Variants in PATJ observed in about 807,000 individuals in gnomAD.
PATJ encodes inaD-like protein.
PATJ carries 190 observed loss-of-function variants against 224.9 expected under a neutral mutation model. The ratio of observed to expected loss-of-function variants is 0.84; its 90% CI spans 0.75 to 0.95. The LOEUF is 0.95. Ranked by LOEUF, PATJ falls within the 40% of genes least tolerant of loss-of-function variation. PATJ has a pLI of 0.00. For missense variants in PATJ, 2,121 were observed against 2,270.3 expected (o/e 0.93, Z 1.34); for synonymous variants, 769 against 820.3 (o/e 0.94, Z 1.07).
intron 43 of PATJ, among the ~76,000 whole-genome samples, chr1:62,155,458 A>G (rs551660047): frequency 9.2e-5 from 14 of 152,252 alleles, no homozygotes; most frequent in Admixed American, 2.6e-4. Context: ...ATGGCTGTGC[A>G]TTGCTGGTGA....
intron 31 of PATJ, among the ~76,000 whole-genome samples, chr1:62,052,096 A>C (rs1176638638): frequency 6.6e-6 from 1 of 152,198 alleles, no homozygotes; most frequent in Non-Finnish European, 1.5e-5. Context: ...TTCTAGAAGA[A>C]ATGTAGGCTT....
At chr1:61,781,859 G>T (rs149314924) in intron 7 of PATJ, among the ~76,000 whole-genome samples, 1 of 152,214 alleles carries the variant, frequency 6.6e-6, no homozygotes, top group Non-Finnish European at 1.5e-5. Flanking sequence ...GAGACTGGAG[G>T]AAACCAGGCA....
chr1:61,939,929 C>G (rs549167961), intron 27 of PATJ, among the ~76,000 whole-genome samples: 18 of 152,078 alleles, frequency 1.2e-4, no homozygotes, highest in African/African-American at 4.1e-4. Context: ...CCGCCTCGGC[C>G]TTCCAAAGTG....
Position 62,088,884 on chromosome 1 carries a change from A to G in PATJ, c.4377+4236A>G, listed in dbSNP as rs533272598. On this transcript the variant is annotated intron_variant, in intron 33 of 43. Transcript: ENST00000642238. ...ATATATAGAACATATATATATATAT[A>G]TATTCAGAAACTACTGGTTGACCCT... is the stretch of plus-strand genomic sequence containing the variant. 1.6e-4 allele frequency among the ~76,000 whole-genome samples: 24 copies of G among 148,430 alleles called. No homozygotes were observed. The South Asian group carries it at 5.1e-3, about 31-fold the overall frequency.
At chr1:61,771,176 GT>G (rs1055113687) in intron 5 of PATJ, among the ~76,000 whole-genome samples, 4 of 152,080 alleles carry the variant, frequency 2.6e-5, no homozygotes, top group African/African-American at 9.7e-5. Context: ...CCTATAGATT[GT>G]TTTTGTTTAT....
At chr1:61,958,801 G>GTAAAAAAGA (rs1414095481) in intron 27 of PATJ, among the ~76,000 whole-genome samples, 4 of 152,128 alleles carry the variant, frequency 2.6e-5, no homozygotes, top group Non-Finnish European at 4.4e-5. Context: ...GACTTTCTCT[G>GTAAAAAAGA]GAGCCTCACT....
At chr1:61,947,019 C>G (rs920647909) in intron 27 of PATJ, among the ~76,000 whole-genome samples, 1 of 152,124 alleles carries the variant, frequency 6.6e-6, no homozygotes, top group Non-Finnish European at 1.5e-5. Flanking sequence ...ATTCAACAGC[C>G]CTTCATGCTA....
At chr1:62,119,553 A>G (rs1664820673) in intron 37 of PATJ, among the ~76,000 whole-genome samples, 1 of 152,206 alleles carries the variant, frequency 6.6e-6, no homozygotes, top group South Asian at 2.1e-4. Context: ...CCCCCAAACC[A>G]GGAAGAAATT....
chr1:62,053,548 C>T (rs1247530747), intron 31 of PATJ, among the ~76,000 whole-genome samples: 4 of 152,052 alleles, frequency 2.6e-5, no homozygotes, highest in Non-Finnish European at 5.9e-5. Flanking sequence ...GGAGAAACCC[C>T]GTCTCTACTA....
chr1:62,006,276 C>T (rs1040774328), intron 28 of PATJ, among the ~76,000 whole-genome samples: 1 of 152,060 alleles, frequency 6.6e-6, no homozygotes, highest in African/African-American at 2.4e-5. Context: ...CGCCACACCC[C>T]ACTAATTTTT....
At chr1:61,824,796 T>C (rs1029817379) in intron 15 of PATJ, among the ~76,000 whole-genome samples, 5 of 152,146 alleles carry the variant, frequency 3.3e-5, no homozygotes, top group Non-Finnish European at 7.3e-5. Flanking sequence ...TGGTAGGCAC[T>C]AAAGAAATGT....
At chr1:61,845,220 C>G (rs564243371) in intron 17 of PATJ, among the ~76,000 whole-genome samples, 4 of 152,074 alleles carry the variant, frequency 2.6e-5, no homozygotes, top group Non-Finnish European at 5.9e-5. Flanking sequence ...GGCTGTAGGT[C>G]CTGTAATCAT....
chr1:61,998,017 T>TTATA (rs557978392), intron 28 of PATJ, among the ~76,000 whole-genome samples: 1 of 124,864 alleles, frequency 8.0e-6, no homozygotes, highest in African/African-American at 3.2e-5. Flanking sequence ...TATATATTAA[T>TTATA]TATATATAAT....
chr1:62,022,679 C>G (rs1303788372), intron 29 of PATJ, among the ~76,000 whole-genome samples: 1 of 152,180 alleles, frequency 6.6e-6, no homozygotes, highest in African/African-American at 2.4e-5. Context: ...TAACAACTCA[C>G]TCTCCATTAC....
Position 61,769,301 on chromosome 1 carries a change from A to G in PATJ, c.403A>G (p.Ile135Val). 1.2e-6 allele frequency: 2 copies of G among 1,610,524 alleles called. No individual in the cohort carries two copies. The highest frequency in any genetic ancestry group is 1.1e-5 in the South Asian group (1 of 89,992). Residue 135 changes from isoleucine to valine, a missense_variant, in exon 5 of 44, where the codon ATA (isoleucine) becomes GTA (valine). By Grantham distance (29) the Ile-to-Val change is conservative (BLOSUM62 3). Coordinates refer to ENST00000642238, the MANE Select transcript of PATJ (RefSeq NM_001350145.3). Reference protein sequence around the residue: ...QMAQGRQIEYIDIERPSTGGL... With the variant: ...QMAQGRQIEYVDIERPSTGGL... The stretch of plus-strand genomic sequence containing the variant: ...TCATTAGGGCCGGCAAATTGAATAT[A>G]TAGATATAGAACGGCCTTCAACTGG...
chr1:61,869,209 C>T (rs543115791), intron 20 of PATJ, among the ~76,000 whole-genome samples: 3 of 147,448 alleles, frequency 2.0e-5, no homozygotes, highest in Admixed American at 1.3e-4. Context: ...CGGGTTCACG[C>T]CATTCTCCTG....
intron 7 of PATJ, among the ~76,000 whole-genome samples, chr1:61,784,193 T>G (rs1416469637): frequency 6.6e-6 from 1 of 152,252 alleles, no homozygotes; most frequent in Admixed American, 6.5e-5. Flanking sequence ...AATAAAACTT[T>G]TATATGTGAA....
chr1:61,791,570 C>G, intron 9 of PATJ, 123 bp downstream of exon 9: 1 of 560,308 alleles, frequency 1.8e-6, no homozygotes, highest in South Asian at 2.7e-5. Context: ...TGAGTCTATA[C>G]TAGCAAGCAG....
chr1:62,027,029 A>C (rs1384453065), intron 29 of PATJ, among the ~76,000 whole-genome samples: 1 of 152,210 alleles, frequency 6.6e-6, no homozygotes, highest in Non-Finnish European at 1.5e-5. Context: ...GGCATGAAGT[A>C]CATTCACACT....
Sources: gnomAD v4.1 joint callset for allele counts (sites outside exome capture counted in the v4.1 genomes callset) on GRCh38, gnomAD v4.1.1 for gene constraint, MANE v1.5 for transcripts, NCBI Gene and HGNC (gene_info 2026-07-23, HGNC 2026-07-21) for gene names.